CSRNP3: variants seen among roughly 807,000 people sequenced by gnomAD.
The protein encoded by CSRNP3 is cysteine/serine-rich nuclear protein 3.
In CSRNP3, 12 loss-of-function variants were observed where a neutral mutation model predicts 48.0. The observed-to-expected ratio is 0.25, with a 90% CI of 0.16 to 0.41. The LOEUF is 0.41. Among genes scored for constraint, CSRNP3 ranks in the 10% least tolerant of loss-of-function variants. The probability of loss-of-function intolerance (pLI) is 1.00; values close to 1 mark genes in which losing one functional copy is unlikely to be tolerated. For synonymous variants in CSRNP3, 263 were observed against 269.7 expected (o/e 0.98, Z 0.24); for missense variants, 580 against 724.4 (o/e 0.80, Z 2.29).
intron 3 of CSRNP3, among the ~76,000 whole-genome samples, chr2:165,530,563 G>A (rs1326981742): frequency 1.3e-5 from 2 of 152,160 alleles, no homozygotes; most frequent in East Asian, 1.9e-4. Flanking sequence ...TGCATATAAC[G>A]TGAGATAGTT....
intron 2 of CSRNP3, among the ~76,000 whole-genome samples, chr2:165,515,334 A>ATACATATAT (rs1553471999): frequency 7.6e-5 from 9 of 119,020 alleles, no homozygotes; most frequent in African/African-American, 1.5e-4. Flanking sequence ...AAAAAAAAAA[A>ATACATATAT]ATACATATAT....
intron 4 of CSRNP3, among the ~76,000 whole-genome samples, chr2:165,630,228 T>C (rs1461819066): frequency 1.3e-5 from 2 of 152,206 alleles, no homozygotes; most frequent in Non-Finnish European, 2.9e-5. Flanking sequence ...TAGGAAACAA[T>C]GCATTAATCC....
chr2:165,516,611 A>C (rs1370931392), intron 2 of CSRNP3, among the ~76,000 whole-genome samples: 3 of 152,154 alleles, frequency 2.0e-5, no homozygotes, highest in African/African-American at 7.2e-5. Context: ...AAACCTAAAA[A>C]TCATTAAAAA....
intron 3 of CSRNP3, among the ~76,000 whole-genome samples, chr2:165,587,051 T>A (rs567416808): frequency 6.6e-6 from 1 of 152,294 alleles, no homozygotes; most frequent in Non-Finnish European, 1.5e-5. Flanking sequence ...TCTTTATTAG[T>A]TTTTTCTTGC....
intron 4 of CSRNP3, 92 bp downstream of exon 4, chr2:165,595,305 A>G (rs1685792042): frequency 8.1e-7 from 1 of 1,238,362 alleles, no homozygotes; most frequent in Non-Finnish European, 1.1e-6. Context: ...TGCTAGCTAT[A>G]TATATTTTCC....
At chr2:165,586,203 C>T (rs953754610) in intron 3 of CSRNP3, among the ~76,000 whole-genome samples, 4 of 152,210 alleles carry the variant, frequency 2.6e-5, no homozygotes, top group Non-Finnish European at 5.9e-5. Flanking sequence ...ACTCAGCACT[C>T]AAACTTTTTC....
intron 4 of CSRNP3, among the ~76,000 whole-genome samples, chr2:165,595,880 C>T (rs1558944895): frequency 2.6e-5 from 4 of 152,102 alleles, no homozygotes; most frequent in Admixed American, 2.6e-4. Flanking sequence ...CACTGCAACC[C>T]CCTCCTCCCA....
At chr2:165,599,797 ATAT>A (rs10564116) in intron 4 of CSRNP3, among the ~76,000 whole-genome samples, 40,229 of 151,900 alleles carry the variant, frequency 0.26, 5,964 homozygotes, top group Admixed American at 0.39. Context: ...ACTTTCAGAA[ATAT>A]TATTATTGAT....
At chr2:165,627,351 A>G (rs1421840145) in intron 4 of CSRNP3, among the ~76,000 whole-genome samples, 5 of 151,650 alleles carry the variant, frequency 3.3e-5, no homozygotes, top group Non-Finnish European at 7.4e-5. Context: ...TCTTCTTTCC[A>G]TTACCTGAAA....
intron 4 of CSRNP3, among the ~76,000 whole-genome samples, chr2:165,619,705 G>T (rs530332068): frequency 1.3e-5 from 2 of 152,214 alleles, no homozygotes; most frequent in South Asian, 4.1e-4. Context: ...ATATAAGGAG[G>T]TTTTAACCTG....
At position 165,683,902 on chromosome 2, in the gene CSRNP3, T is replaced by TCATCTCTCTCCCTC. The variant is rs1414564287; in HGVS notation, c.*4155_*4168dup. 5.9e-5 allele frequency: 9 copies of TCATCTCTCTCCCTC among 152,232 alleles called. No individual in the cohort carries two copies. Among genetic ancestry groups the TCATCTCTCTCCCTC allele is most frequent in the African/African-American group, 2.2e-4 (9 of 41,574 alleles). 9.4% of individuals were successfully genotyped at this position (152,232 alleles called of 1,614,324 possible). The stretch of plus-strand genomic sequence containing the variant: ...ATTATAGAACTCACTGGATCGCCCT[T>TCATCTCTCTCCCTC]CATCTCTCTCCCTCCATCTGAAATG... On this transcript the variant is annotated 3_prime_UTR_variant, in exon 7 of 7. Transcript: ENST00000651982.
chr2:165,558,949 T>TA lies in CSRNP3; in HGVS notation c.-23-36094_-23-36093insA, dbSNP rs369228785. The stretch of plus-strand genomic sequence containing the variant: ...TAGATTGCTGAAAGGGATACTCTAA[T>TA]GTGACTGATGACAGTGGTATAGTTC... On this transcript the variant is annotated intron_variant, in intron 3 of 6. Coordinates refer to ENST00000651982, the MANE Select transcript of CSRNP3 (RefSeq NM_001172173.2). Among the ~76,000 whole-genome samples the TA allele has an allele frequency of 3.1e-3, 475 of 152,288 alleles. 1 individual carries two copies. Among genetic ancestry groups the TA allele is most frequent in the Non-Finnish European group, 2.9e-3 (194 of 68,016 alleles).
chr2:165,664,914 C>G (rs1687154013), intron 5 of CSRNP3, among the ~76,000 whole-genome samples: 1 of 152,124 alleles, frequency 6.6e-6, no homozygotes, highest in South Asian at 2.1e-4. Flanking sequence ...TTTAAGCCAA[C>G]TCTGCATTAT....
intron 3 of CSRNP3, among the ~76,000 whole-genome samples, chr2:165,588,962 C>T (rs1312936706): frequency 1.3e-5 from 2 of 152,038 alleles, no homozygotes; most frequent in Non-Finnish European, 1.5e-5. Flanking sequence ...TGTCTCAAAA[C>T]TAACAAATAA....
intron 3 of CSRNP3, among the ~76,000 whole-genome samples, chr2:165,592,199 G>T (rs906292592): frequency 1.1e-4 from 16 of 152,198 alleles, no homozygotes; most frequent in African/African-American, 3.9e-4. Flanking sequence ...TTGTAATTTG[G>T]ACTTTAAGAT....
At chr2:165,480,396 A>G (rs1437057933) in intron 1 of CSRNP3, among the ~76,000 whole-genome samples, 1 of 152,188 alleles carries the variant, frequency 6.6e-6, no homozygotes, top group Non-Finnish European at 1.5e-5. Flanking sequence ...CTAGGGTTAT[A>G]CGGGCACAGG....
At chr2:165,611,978 A>G (rs993056182) in intron 4 of CSRNP3, among the ~76,000 whole-genome samples, 12 of 152,088 alleles carry the variant, frequency 7.9e-5, no homozygotes, top group African/African-American at 2.2e-4. Context: ...GTATAGCTTT[A>G]TTTATAGTGC....
chr2:165,625,347 C>T (rs192321476), intron 4 of CSRNP3, among the ~76,000 whole-genome samples: 1 of 151,898 alleles, frequency 6.6e-6, no homozygotes, highest in Admixed American at 6.6e-5. Flanking sequence ...AAAAAAAGTG[C>T]CAGGCACGGT....
intron 4 of CSRNP3, among the ~76,000 whole-genome samples, chr2:165,628,595 G>A (rs1274610300): frequency 2.0e-5 from 3 of 151,914 alleles, no homozygotes; most frequent in Non-Finnish European, 4.4e-5. Flanking sequence ...GTGGTGGTGG[G>A]CGCCTATAAT....
Sources: gnomAD v4.1 joint callset for allele counts (sites outside exome capture counted in the v4.1 genomes callset) on GRCh38, gnomAD v4.1.1 for gene constraint, MANE v1.5 for transcripts, NCBI Gene and HGNC (gene_info 2026-07-23, HGNC 2026-07-21) for gene names.